The following ITGB5 variants were observed in gnomAD, a reference collection of about 807,000 sequenced individuals.
ITGB5 encodes integrin beta-5.
Under a neutral mutation model 84.8 loss-of-function variants are expected in ITGB5, and 38 were observed. The observed-to-expected ratio is 0.45, with a 90% CI of 0.35 to 0.59. The LOEUF (loss-of-function observed/expected upper bound fraction) is 0.59. Among genes scored for constraint, ITGB5 ranks in the 20% least tolerant of loss-of-function variants. The pLI is 0.01. For missense variants in ITGB5, 905 were observed against 1,034.5 expected (o/e 0.87, Z 1.72); for synonymous variants, 393 against 414.4 (o/e 0.95, Z 0.63).
At chr3:124,808,899 G>C (rs773126816) in intron 9 of ITGB5, 123 bp downstream of exon 9, 21 of 1,099,192 alleles carry the variant, frequency 1.9e-5, no homozygotes, top group African/African-American at 3.1e-5. Context: ...CCTCTGGGAT[G>C]CTGAATTGGA....
At chr3:124,874,272 T>C (rs1934197220) in intron 1 of ITGB5, among the ~76,000 whole-genome samples, 1 of 128,452 alleles carries the variant, frequency 7.8e-6, no homozygotes, top group Non-Finnish European at 1.5e-5. Context: ...CACTCCAGCC[T>C]GGGCAACAGA....
In ITGB5 at chr3:124,796,771, T is replaced by G; in HGVS notation, c.1310A>C (p.His437Pro). Residue 437 changes from histidine (H) to proline (P), a missense_variant, in exon 10 of 15, where the codon CAC (histidine) becomes CCC (proline). His to Pro is a moderately conservative substitution (Grantham distance 77). Coordinates refer to ENST00000296181, the MANE Select transcript of ITGB5 (RefSeq NM_002213.5). ...SLEARSCPSRHTEHVFALRPV... is the reference protein window; with the variant it reads ...SLEARSCPSRPTEHVFALRPV... Reference sequence around the variant, plus strand: ...CCGCAGGGCAAACACATGCTCCGTGTGTCTGCTGGGACAGCTTCGGGCCTC... The same window carrying G: ...CCGCAGGGCAAACACATGCTCCGTGGGTCTGCTGGGACAGCTTCGGGCCTC... 1.9e-6 allele frequency: 3 copies of G among 1,613,372 alleles called. No individual in the cohort carries two copies. The South Asian group carries it at 3.3e-5, about 18-fold the overall frequency.
At chr3:124,814,829 G>GA (rs1031309104) in intron 8 of ITGB5, among the ~76,000 whole-genome samples, 2 of 152,094 alleles carry the variant, frequency 1.3e-5, no homozygotes, top group African/African-American at 4.8e-5. Context: ...TTACTTACAG[G>GA]AACCAGTTTA....
At chr3:124,850,700 AT>A (rs2065140026) in intron 3 of ITGB5, among the ~76,000 whole-genome samples, 2 of 110,088 alleles carry the variant, frequency 1.8e-5, no homozygotes, top group Admixed American at 1.9e-4. Context: ...AATAATAATA[AT>A]TTAAAAAAAC....
intron 2 of ITGB5, among the ~76,000 whole-genome samples, chr3:124,865,294 G>A (rs540241624): frequency 6.6e-6 from 1 of 151,932 alleles, no homozygotes; most frequent in Admixed American, 6.6e-5. Flanking sequence ...CAAGCAAGAA[G>A]GATGGGCTTC....
chr3:124,804,951 G>A (rs576505141), intron 9 of ITGB5, among the ~76,000 whole-genome samples: 72 of 152,134 alleles, frequency 4.7e-4, no homozygotes, highest in African/African-American at 1.7e-3. Context: ...ACAGGCGTGA[G>A]CCACCGTGCC....
At position 124,887,091 on chromosome 3, in the gene ITGB5, C is replaced by G. The variant is rs1167115354; in HGVS notation, c.-91G>C. 5.3e-6 allele frequency: 2 copies of G among 379,286 alleles called. No homozygotes were observed. Among genetic ancestry groups the G allele is most frequent in the African/African-American group, 2.2e-5 (1 of 45,294 alleles). 23.5% of individuals were successfully genotyped at this position (379,286 alleles called of 1,614,324 possible). A position where few individuals can be genotyped will look rare whatever the true frequency, so the allele number is the denominator to read the frequency against. On this transcript the variant is annotated 5_prime_UTR_variant, in exon 1 of 15. Transcript: ENST00000296181. ...GGGCCGGAGCGCGGGGGCCGAGGGC[C>G]GGGGGCCGCAGCCGCATGCCCCGCG...
intron 2 of ITGB5, chr3:124,863,334 A>G (rs567599043): frequency 6.6e-6 from 1 of 152,326 alleles, no homozygotes; most frequent in African/African-American, 2.4e-5. Flanking sequence ...GAGTCCAAAC[A>G]ATTGCTGTGA....
At chr3:124,828,733 C>T (rs918043325) in intron 5 of ITGB5, among the ~76,000 whole-genome samples, 1 of 152,222 alleles carries the variant, frequency 6.6e-6, no homozygotes, top group Non-Finnish European at 1.5e-5. Flanking sequence ...CATCGCAGTG[C>T]TGGCCTCCCA....
chr3:124,816,704 G>A (rs927382175), intron 8 of ITGB5, among the ~76,000 whole-genome samples: 1 of 152,138 alleles, frequency 6.6e-6, no homozygotes, highest in Non-Finnish European at 1.5e-5. Flanking sequence ...ATGAATCGAG[G>A]GAAAGGAGGG....
intron 8 of ITGB5, among the ~76,000 whole-genome samples, chr3:124,814,264 T>C (rs1004988823): frequency 6.6e-6 from 1 of 151,786 alleles, no homozygotes; most frequent in African/African-American, 2.4e-5. Flanking sequence ...CTATATTTAA[T>C]ATATATATTT....
Position 124,810,533 on chromosome 3 carries a change from G to T in ITGB5, c.1129-1377C>A, listed in dbSNP as rs368487960. Among the ~76,000 whole-genome samples, 24 of 152,244 alleles carry T rather than the reference G, an allele frequency of 1.6e-4. No individual in the cohort carries two copies. In the South Asian group the frequency reaches 2.1e-3, roughly 13 times the overall value. ...GGATCGCTTGAGCCCAGGAGTTCAA[G>T]GCTGCAATGAGCTATGATCATGCCA... On this transcript the variant is annotated intron_variant, in intron 8 of 14. Transcript: ENST00000296181.
chr3:124,857,820 T>C (rs1044853732), intron 3 of ITGB5, among the ~76,000 whole-genome samples: 1 of 152,010 alleles, frequency 6.6e-6, no homozygotes, highest in Non-Finnish European at 1.5e-5. Context: ...CTTGAGCAGG[T>C]TGTTTCCTTG....
upstream of ITGB5, chr3:124,887,748 C>T (rs1345878972): frequency 2.2e-6 from 1 of 446,566 alleles, no homozygotes; most frequent in South Asian, 1.6e-5. Context: ...AGAGGGAGAG[C>T]AGGTACGGGG....
intron 8 of ITGB5, among the ~76,000 whole-genome samples, chr3:124,816,633 G>A (rs1479606473): frequency 1.3e-5 from 2 of 152,092 alleles, no homozygotes; most frequent in Non-Finnish European, 2.9e-5. Flanking sequence ...CCCAACACAA[G>A]AGCTCTGCCT....
At chr3:124,793,629 A>C (rs1281432043) in intron 10 of ITGB5, among the ~76,000 whole-genome samples, 1 of 152,240 alleles carries the variant, frequency 6.6e-6, no homozygotes, top group Non-Finnish European at 1.5e-5. Flanking sequence ...CTTATTCCTC[A>C]TAACAACTCT....
Position 124,875,476 on chromosome 3 carries a change from C to CAAA in ITGB5, c.71-1948_71-1946dup, listed in dbSNP as rs35782965. On this transcript the variant is annotated intron_variant, in intron 1 of 14. Coordinates refer to ENST00000296181, the MANE Select transcript of ITGB5 (RefSeq NM_002213.5). Reference sequence around the variant, plus strand: ...TGGGTGACAGAGCAAGACTCTGTCTCAAAAAAAAAAAAAAAAAAAGACAAA... The same window carrying CAAA: ...TGGGTGACAGAGCAAGACTCTGTCTCAAAAAAAAAAAAAAAAAAAAAAGACAAA... Among the ~76,000 whole-genome samples, 33 of 104,580 alleles carry CAAA rather than the reference C, an allele frequency of 3.2e-4. 2 individuals carry two copies. The highest frequency in any genetic ancestry group is 5.1e-4 in the African/African-American group (14 of 27,658). 68.6% of individuals were successfully genotyped at this position (104,580 alleles called of 152,430 possible). A position where few individuals can be genotyped will look rare whatever the true frequency, so the allele number is the denominator to read the frequency against.
chr3:124,796,834 G>A lies in ITGB5; in HGVS notation c.1264-17C>T, dbSNP rs370493261. 1.2e-5 allele frequency: 19 copies of A among 1,579,118 alleles called. No homozygotes were observed. The highest frequency in any genetic ancestry group is 1.6e-5 in the Non-Finnish European group (18 of 1,159,788). On this transcript the variant is annotated splice_polypyrimidine_tract_variant and intron_variant, in intron 9 of 14. Transcript: ENST00000296181. ...AAAAGATGCCTGGGCAGAAGGAAGAGAAGGGATATCATGGCTGCGGCAAGC... is the reference window on the plus strand; with the variant it reads ...AAAAGATGCCTGGGCAGAAGGAAGAAAAGGGATATCATGGCTGCGGCAAGC...
chr3:124,873,673 G>GGTTAA, intron 1 of ITGB5, 142 bp from the exon 2 acceptor site: 1 of 723,130 alleles, frequency 1.4e-6, no homozygotes, highest in Non-Finnish European at 2.5e-6. Context: ...GCTAATTGCA[G>GGTTAA]GTTAAGGCTC....
Sources: allele counts gnomAD v4.1 joint callset (sites outside exome capture counted in the v4.1 genomes callset), GRCh38; gene constraint gnomAD v4.1.1; transcripts MANE v1.5; gene names NCBI Gene and HGNC (gene_info 2026-07-23, HGNC 2026-07-21).